Variants in GRAMD1B observed in about 807,000 individuals in gnomAD.
GRAMD1B encodes the protein protein Aster-B.
Under a neutral mutation model 99.7 loss-of-function variants are expected in GRAMD1B, and 37 were observed. The ratio of observed to expected loss-of-function variants is 0.37; its 90% CI spans 0.29 to 0.49. GRAMD1B has a LOEUF of 0.49. Among genes scored for constraint, GRAMD1B ranks in the 20% least tolerant of loss-of-function variants. GRAMD1B has a pLI of 0.98. For synonymous variants in GRAMD1B, 427 were observed against 387.6 expected, an observed-to-expected ratio of 1.10 and a Z score of -1.19; for missense variants, 888 against 1,009.2, an observed-to-expected ratio of 0.88 and a Z score of 1.63.
intron 1 of GRAMD1B, among the ~76,000 whole-genome samples, chr11:123,469,586 G>A (rs1950883562): frequency 6.6e-6 from 1 of 152,112 alleles, no homozygotes; most frequent in African/African-American, 2.4e-5. Flanking sequence ...ATTCAGTGGT[G>A]GGAATGCTCA....
chr11:123,565,627 A>C (rs1454202634), intron 2 of GRAMD1B, among the ~76,000 whole-genome samples: 2 of 152,222 alleles, frequency 1.3e-5, no homozygotes, highest in Non-Finnish European at 2.9e-5. Flanking sequence ...ATTAACATGT[A>C]AGCAGCTGGC....
At chr11:123,548,288 CA>C (rs112239546) in intron 2 of GRAMD1B, among the ~76,000 whole-genome samples, 40 of 74,618 alleles carry the variant, frequency 5.4e-4, no homozygotes, top group Middle Eastern at 0.012. Flanking sequence ...CAGGCTGTGC[CA>C]AAATATATAT....
intron 1 of GRAMD1B, among the ~76,000 whole-genome samples, chr11:123,421,636 T>C (rs1367339477): frequency 6.6e-6 from 1 of 152,224 alleles, no homozygotes; most frequent in Non-Finnish European, 1.5e-5. Flanking sequence ...AGGTGATATT[T>C]TTACTGCTTA....
chr11:123,431,930 G>T (rs926234052), intron 1 of GRAMD1B: 6 of 395,078 alleles, frequency 1.5e-5, no homozygotes, highest in African/African-American at 1.2e-4. Flanking sequence ...AGTTGTGTCT[G>T]AGCCAAGCCC....
chr11:123,483,843 T>C (rs962750142), intron 2 of GRAMD1B, among the ~76,000 whole-genome samples: 4 of 152,210 alleles, frequency 2.6e-5, no homozygotes, highest in Non-Finnish European at 4.4e-5. Flanking sequence ...CTAGTCCTTA[T>C]TTCTTTAGAT....
chr11:123,620,472 C>CAAAAAAAAA (rs55787871), intron 19 of GRAMD1B, among the ~76,000 whole-genome samples: 1 of 69,232 alleles, frequency 1.4e-5, no homozygotes. Flanking sequence ...GACTTCATCT[C>CAAAAAAAAA]AAAAAAAAAA....
intron 2 of GRAMD1B, among the ~76,000 whole-genome samples, chr11:123,532,520 C>T (rs76642989): frequency 0.011 from 1,707 of 152,298 alleles, 29 homozygotes; most frequent in African/African-American, 0.038. Flanking sequence ...AGTGTGGGCA[C>T]GGGCTGATGC....
chr11:123,481,860 C>T (rs61374586), intron 2 of GRAMD1B, among the ~76,000 whole-genome samples: 2,248 of 152,196 alleles, frequency 0.015, 64 homozygotes, highest in African/African-American at 0.051. Context: ...GCTGGCCTAC[C>T]GCAGGGGCTC....
chr11:123,526,587 T>C lies in GRAMD1B; in HGVS notation c.452+45694T>C, dbSNP rs147600175. ...TTCCTTAGCCCTGACCAACACGTGA[T>C]TTTGAGGGAGGGTGTGCGGGGGGCC... On this transcript the variant is annotated intron_variant, in intron 2 of 19. Transcript: ENST00000635736. 7.9e-5 allele frequency among the ~76,000 whole-genome samples: 12 copies of C among 152,102 alleles called. No homozygotes were observed. The East Asian group carries it at 2.3e-3, about 30-fold the overall frequency.
At chr11:123,508,092 G>A (rs950102872) in intron 2 of GRAMD1B, among the ~76,000 whole-genome samples, 5 of 152,218 alleles carry the variant, frequency 3.3e-5, no homozygotes, top group Middle Eastern at 3.4e-3. Flanking sequence ...ATTTGGAAAC[G>A]ATCTTAGTAT....
At chr11:123,556,730 T>C (rs541621307) in intron 2 of GRAMD1B, among the ~76,000 whole-genome samples, 9 of 152,224 alleles carry the variant, frequency 5.9e-5, no homozygotes, top group Non-Finnish European at 1.2e-4. Context: ...AGGCACCAAA[T>C]AGCTGTGAAA....
At chr11:123,509,615 T>C (rs1940776536) in intron 2 of GRAMD1B, among the ~76,000 whole-genome samples, 1 of 152,238 alleles carries the variant, frequency 6.6e-6, no homozygotes, top group Non-Finnish European at 1.5e-5. Flanking sequence ...AGTGAATATA[T>C]GTACTGTGTT....
intron 1 of GRAMD1B, among the ~76,000 whole-genome samples, chr11:123,365,811 A>G (rs1946301525): frequency 6.6e-6 from 1 of 152,210 alleles, no homozygotes; most frequent in African/African-American, 2.4e-5. Flanking sequence ...TTGTGATCTA[A>G]GTCAGAGAAA....
intron 2 of GRAMD1B, among the ~76,000 whole-genome samples, chr11:123,483,395 T>C (rs1951719488): frequency 6.7e-6 from 1 of 149,738 alleles, no homozygotes; most frequent in East Asian, 1.9e-4. Flanking sequence ...CTTTTTCTTT[T>C]TTTTTTTTTT....
intron 1 of GRAMD1B, among the ~76,000 whole-genome samples, chr11:123,441,745 A>G (rs1408871473): frequency 6.6e-6 from 1 of 152,108 alleles, no homozygotes; most frequent in Non-Finnish European, 1.5e-5. Context: ...TCAGTGAGCC[A>G]TGACCACGCC....
intron 2 of GRAMD1B, among the ~76,000 whole-genome samples, chr11:123,553,259 C>T (rs1471402477): frequency 6.6e-6 from 1 of 152,176 alleles, no homozygotes. Context: ...AAGATAATAC[C>T]CAGGAGCCAG....
intron 14 of GRAMD1B, among the ~76,000 whole-genome samples, chr11:123,612,246 T>C (rs1442422266): frequency 6.6e-6 from 1 of 152,082 alleles, no homozygotes; most frequent in Non-Finnish European, 1.5e-5. Flanking sequence ...TTTGTAGAGA[T>C]GGGGGTCTCA....
chr11:123,426,025 C>T (rs1489733924), upstream of GRAMD1B, among the ~76,000 whole-genome samples: 1 of 152,180 alleles, frequency 6.6e-6, no homozygotes, highest in Non-Finnish European at 1.5e-5. Context: ...TCTAGTTCAC[C>T]AGTGCAAGAT....
chr11:123,375,868 C>G (rs1039266688), intron 1 of GRAMD1B, among the ~76,000 whole-genome samples: 1 of 152,128 alleles, frequency 6.6e-6, no homozygotes, highest in Non-Finnish European at 1.5e-5. Flanking sequence ...CTATTTGGCC[C>G]TCAGATATTT....
Sources: gnomAD v4.1 joint callset for allele counts (sites outside exome capture counted in the v4.1 genomes callset) on GRCh38, gnomAD v4.1.1 for gene constraint, MANE v1.5 for transcripts, NCBI Gene and HGNC (gene_info 2026-07-23, HGNC 2026-07-21) for gene names.